Variants in ABCC10 observed in about 807,000 individuals in gnomAD.
ABCC10 encodes ATP-binding cassette sub-family C member 10.
A neutral mutation model predicts 143.2 loss-of-function variants in ABCC10; 110 were observed. The observed-to-expected ratio is 0.77, with a 90% confidence interval of 0.66 to 0.90. ABCC10 has a LOEUF of 0.90. Among genes scored for constraint, ABCC10 ranks in the 40% least tolerant of loss-of-function variants. The pLI, the probability that ABCC10 is intolerant of heterozygous loss-of-function variation, is 0.00. For missense variants in ABCC10, 1,700 were observed against 1,900.5 expected, an observed-to-expected ratio of 0.89 and a Z score of 1.96; for synonymous variants, 805 against 846.7, an observed-to-expected ratio of 0.95 and a Z score of 0.85.
Position 43,435,738 on chromosome 6 carries a change from C to G in ABCC10, c.1609-13C>G. On this transcript the variant is annotated splice_polypyrimidine_tract_variant and intron_variant, in intron 4 of 21. Coordinates refer to ENST00000372530, the MANE Select transcript of ABCC10 (RefSeq NM_001198934.2). The stretch of plus-strand genomic sequence containing the variant: ...TAACTCCTGGGGCTTCACCCTGCAC[C>G]CACCTCACTCAGGTGTTCACGGCCC... The G allele has an allele frequency of 6.2e-7, 1 of 1,613,706 alleles. No homozygotes were observed. Among genetic ancestry groups the G allele is most frequent in the Non-Finnish European group, 8.5e-7 (1 of 1,179,708 alleles).
At chr6:43,437,824 A>G (rs1781916599) in intron 6 of ABCC10, 110 bp from the exon 7 acceptor site, 3 of 1,021,496 alleles carry the variant, frequency 2.9e-6, no homozygotes, top group Non-Finnish European at 4.5e-6. Flanking sequence ...GAAAGAAGAA[A>G]AGAGAAGCCT....
chr6:43,448,771 G>A (rs1449365533), intron 18 of ABCC10, 110 bp from the exon 19 acceptor site: 1 of 1,351,582 alleles, frequency 7.4e-7, no homozygotes, highest in South Asian at 1.4e-5. Context: ...GTTATGTTCA[G>A]GTCTCATACC....
chr6:43,447,279 G>A lies in ABCC10; in HGVS notation c.3576G>A (p.Leu1192=), dbSNP rs759314146. 1 of 1,613,766 alleles carries A rather than the reference G, an allele frequency of 6.2e-7. No homozygotes were observed. The highest frequency in any genetic ancestry group is 1.7e-5 in the Admixed American group (1 of 60,020). ...TGGGCTTGTCGCTGTCTTATGCCCT[G>A]TCCCTGACGGGCCTGCTCTCGGGCC... ...GLVGLSLSYA[L]SLTGLLSGLV... The change falls in exon 17 of 22, where the codon CTG becomes CTA. Residue 1192 remains leucine (L), a synonymous_variant. Transcript: ENST00000372530.
rs1167991733 is a variant in ABCC10 at position 43,445,034 on chromosome 6, C to T, written c.2841-91C>T. The T allele has an allele frequency of 5.0e-6, 8 of 1,585,024 alleles. No individual in the cohort carries two copies. The African/African-American group carries it at 9.4e-5, about 19-fold the overall frequency. ...GCCGGTATTCCAGATGCTGTGACTT[C>T]TGGAGGGTGGGAGAGATGGCATGGG... On this transcript the variant is annotated intron_variant, in intron 13 of 21. Coordinates refer to ENST00000372530, the MANE Select transcript of ABCC10 (RefSeq NM_001198934.2).
chr6:43,450,439 CCT>C, downstream of ABCC10: 1 of 1,351,778 alleles, frequency 7.4e-7, no homozygotes, highest in Non-Finnish European at 1.0e-6. This position sits in a 1 kb window ranked among gnomAD's most constrained non-coding sequence, Gnocchi z 4.5. Context: ...GCTGAGGTCT[CCT>C]CTGTGTGTGT....
chr6:43,450,985 A>G, downstream of ABCC10: 1 of 1,614,116 alleles, frequency 6.2e-7, no homozygotes, highest in Non-Finnish European at 8.5e-7. The surrounding 1 kb of genome is among the most constrained non-coding windows in gnomAD (Gnocchi z 4.5). Context: ...GGGCAGAGGC[A>G]GTCGAAGTCG....
Position 43,447,312 on chromosome 6 carries a change from C to T in ABCC10, c.3609C>T (p.Ser1203=). ...SLTGLLSGLV[S]SFTQTEAMLV... ...CGGGCCTGCTCTCGGGCCTGGTGAG[C>T]AGCTTCACACAGACAGAGGCCATGC... The change falls in exon 17 of 22, where the codon AGC becomes AGT. Residue 1203 remains serine, a synonymous_variant. Transcript: ENST00000372530. 1 of 1,613,654 alleles carries T rather than the reference C, an allele frequency of 6.2e-7. No homozygotes were observed. The highest frequency in any genetic ancestry group is 8.5e-7 in the Non-Finnish European group (1 of 1,180,008).
In ABCC10 at chr6:43,445,173, C is replaced by A. The variant is rs201525920; in HGVS notation, c.2889C>A (p.Asp963Glu). The A allele has an allele frequency of 1.2e-6, 2 of 1,614,116 alleles. No individual in the cohort carries two copies. The highest frequency in any genetic ancestry group is 8.5e-7 in the Non-Finnish European group (1 of 1,179,976). Residue 963 changes from aspartate (D) to glutamate (E), a missense_variant, in exon 14 of 22, where the codon GAC (aspartate) becomes GAA (glutamate). Coordinates refer to ENST00000372530, the MANE Select transcript of ABCC10 (RefSeq NM_001198934.2). ...AAGCTGCCCCCAATGGCTCCTCAGA[C>A]ATCCGTTTCTACCTCACCGTGTATG... ...LPKAAPNGSSDIRFYLTVYAT... is the reference protein window; with the variant it reads ...LPKAAPNGSSEIRFYLTVYAT...
chr6:43,446,686 C>T (rs2127410283), intron 16 of ABCC10: 1 of 985,272 alleles, frequency 1.0e-6, no homozygotes, highest in Middle Eastern at 5.2e-4. Context: ...TGGTCTCAGT[C>T]CCTTCCCTGC....
Position 43,427,776 on chromosome 6 carries a change from G to A in ABCC10, c.-12+19G>A, listed in dbSNP as rs1240650777. 1.6e-6 allele frequency: 1 copy of A among 632,132 alleles called. No homozygotes were observed. The allele number at this position is 632,132 out of a possible 1,614,324, so 39.2% of individuals were successfully genotyped here. ...TGGCAAGGTGGGTGACCAGCGTCCA[G>A]AAATCCACTGGGGAAACCTCCTCCC... On this transcript the variant is annotated intron_variant, in intron 1 of 21. Coordinates refer to ENST00000372530, the MANE Select transcript of ABCC10 (RefSeq NM_001198934.2).
chr6:43,444,645 G>A (rs1325935318), intron 12 of ABCC10, 143 bp from the exon 13 acceptor site: 2 of 1,209,996 alleles, frequency 1.7e-6, no homozygotes, highest in African/African-American at 3.0e-5. Flanking sequence ...GGAGGATATG[G>A]GGTAGTGGCA....
intron 2 of ABCC10, among the ~76,000 whole-genome samples, chr6:43,429,371 CTTGTGTGTGT>C (rs1390169241): frequency 4.3e-4 from 34 of 79,526 alleles, no homozygotes; most frequent in Non-Finnish European, 1.3e-4. Context: ...TCTTTTCTTT[CTTGTGTGTGT>C]GTGTGTGTGT....
At position 43,433,048 on chromosome 6, in the gene ABCC10, GGGGGC is replaced by G; in HGVS notation, c.1069_1073del (p.Gly357CysfsTer29). On this transcript the variant is annotated frameshift_variant, in exon 3 of 22. Transcript: ENST00000372530. LOFTEE classifies it high-confidence loss of function. The stretch of plus-strand genomic sequence containing the variant: ...TATATAAGGTAACACTTCAGGCACG[GGGGGC>G]TGTGCTGAACATCCTGTACTGCAAG... The G allele has an allele frequency of 1.2e-6, 2 of 1,614,120 alleles. No individual in the cohort carries two copies. Among genetic ancestry groups the G allele is most frequent in the Non-Finnish European group, 1.7e-6 (2 of 1,180,030 alleles).
chr6:43,430,145 C>T (rs1208069379), intron 2 of ABCC10, among the ~76,000 whole-genome samples: 1 of 150,820 alleles, frequency 6.6e-6, no homozygotes, highest in African/African-American at 2.4e-5. Flanking sequence ...GGCTGGAGAG[C>T]AGTGGCACGA....
chr6:43,443,658 G>T lies in ABCC10; in HGVS notation c.2417-275G>T, dbSNP rs557970360. 7.0e-6 allele frequency: 3 copies of T among 430,590 alleles called. No individual in the cohort carries two copies. The highest frequency in any genetic ancestry group is 5.9e-5 in the African/African-American group (3 of 50,946). The allele number at this position is 430,590 out of a possible 1,614,324, so 26.7% of individuals were successfully genotyped here. On this transcript the variant is annotated intron_variant, in intron 10 of 21. Transcript: ENST00000372530. This position sits in a 1 kb window ranked among gnomAD's most constrained non-coding sequence, Gnocchi z 4.2. ...ACAGAGTGGCAGGCATAGCTCTGGC[G>T]GTCCTCTTGGGGATGGACATTCGTC...
chr6:43,441,982 C>T (rs1408619415), intron 9 of ABCC10, 22 bp downstream of exon 9: 1 of 1,606,320 alleles, frequency 6.2e-7, no homozygotes, highest in South Asian at 1.1e-5. Context: ...ATGGAGGTTG[C>T]AGTGGCAGGG....
At chr6:43,440,722 C>T (rs371243973) in intron 8 of ABCC10, among the ~76,000 whole-genome samples, 3 of 151,814 alleles carry the variant, frequency 2.0e-5, no homozygotes, top group Non-Finnish European at 4.4e-5. Flanking sequence ...AATAGCTGGG[C>T]GTGGTCGTGG....
chr6:43,436,158 A>T lies in ABCC10; in HGVS notation c.1786A>T (p.Thr596Ser), dbSNP rs1781685529. 6.2e-7 allele frequency: 1 copy of T among 1,614,154 alleles called. No homozygotes were observed. Among genetic ancestry groups the T allele is most frequent in the Non-Finnish European group, 8.5e-7 (1 of 1,179,974 alleles). The change falls in exon 6 of 22, where the codon ACA becomes TCA. Residue 596 changes from threonine (T) to serine (S), a missense_variant. Transcript: ENST00000372530. ...TTCAGATCCCCCTGCAGAGCCATCT[A>T]CAGTATTGGAGCTGCATGGAGCCTT... ...YSPDPPAEPS[T>S]VLELHGALFS...
rs1491157151 is a variant in ABCC10, at chr6:43,429,371, CTT to C, written c.161+1233_161+1234del. On this transcript the variant is annotated intron_variant, in intron 2 of 21. Coordinates refer to ENST00000372530, the MANE Select transcript of ABCC10 (RefSeq NM_001198934.2). The stretch of plus-strand genomic sequence containing the variant: ...TTTCTTTTCTTTCTTTCTTTTCTTT[CTT>C]GTGTGTGTGTGTGTGTGTGTGTGTG... Among the ~76,000 whole-genome samples, 240 of 79,526 alleles carry C rather than the reference CTT, an allele frequency of 3.0e-3. 5 individuals are homozygous for C. The highest frequency in any genetic ancestry group is 3.9e-3 in the Admixed American group (31 of 7,958). 52.2% of individuals were successfully genotyped at this position (79,526 alleles called of 152,430 possible). A position where few individuals can be genotyped will look rare whatever the true frequency, so the allele number is the denominator to read the frequency against.
Sources: gnomAD v4.1 joint callset for allele counts (sites outside exome capture counted in the v4.1 genomes callset) on GRCh38, gnomAD v4.1.1 for gene constraint, Gnocchi (gnomAD v3.1) non-coding constraint, MANE v1.5 for transcripts, NCBI Gene and HGNC (gene_info 2026-07-23, HGNC 2026-07-21) for gene names.